GPC5: variants seen among roughly 807,000 people sequenced by gnomAD.
GPC5 encodes the protein glypican 5, also known as glypican-5.
GPC5 carries 47 observed loss-of-function variants against 53.9 expected under a neutral mutation model. That is an observed-to-expected ratio of 0.87 (90% confidence interval 0.69 to 1.11). GPC5 has a LOEUF of 1.11. GPC5 is among the 50% of genes most tolerant of loss of function. The probability of loss-of-function intolerance (pLI) is 0.00; values close to 1 mark genes in which losing one functional copy is unlikely to be tolerated. For synonymous variants in GPC5, 286 were observed against 263.3 expected (o/e 1.09, Z -0.84); for missense variants, 748 against 713.1 (o/e 1.05, Z -0.56).
At chr13:92,618,808 T>C (rs550377674) in intron 7 of GPC5, among the ~76,000 whole-genome samples, 1 of 151,866 alleles carries the variant, frequency 6.6e-6, no homozygotes, top group Non-Finnish European at 1.5e-5. Flanking sequence ...TGGATCATAT[T>C]AGGCAATGTG....
chr13:92,177,570 T>C (rs1348946821), intron 7 of GPC5, among the ~76,000 whole-genome samples: 1 of 152,212 alleles, frequency 6.6e-6, no homozygotes, highest in African/African-American at 2.4e-5. Flanking sequence ...AGTATGTTTT[T>C]TGTGTTCTTC....
intron 5 of GPC5, among the ~76,000 whole-genome samples, chr13:91,792,751 G>T (rs2138752015): frequency 6.6e-6 from 1 of 152,220 alleles, no homozygotes; most frequent in East Asian, 1.9e-4. Flanking sequence ...GAGTTTTTCT[G>T]CATTTCTTTG....
intron 7 of GPC5, among the ~76,000 whole-genome samples, chr13:92,749,743 T>C (rs1468306025): frequency 6.6e-6 from 1 of 152,210 alleles, no homozygotes; most frequent in African/African-American, 2.4e-5. Context: ...TACAACAATT[T>C]GTAGTTATGC....
chr13:91,686,168 C>T lies in GPC5; in HGVS notation c.326-7019C>T, dbSNP rs2139766897. ...TGTTTAGAACTGATTTTATCTGTTA[C>T]ACAACTGCTTAAGGGAATTTAAATT... On this transcript the variant is annotated intron_variant, in intron 2 of 7. Coordinates refer to ENST00000377067, the MANE Select transcript of GPC5 (RefSeq NM_004466.6). Among the ~76,000 whole-genome samples, 3 of 152,080 alleles carry T rather than the reference C, an allele frequency of 2.0e-5. No individual in the cohort carries two copies. In the South Asian group the frequency reaches 6.2e-4, roughly 32 times the overall value.
At chr13:92,696,484 A>G (rs1887560909) in intron 7 of GPC5, among the ~76,000 whole-genome samples, 1 of 152,226 alleles carries the variant, frequency 6.6e-6, no homozygotes. Flanking sequence ...AGTTGGCTGC[A>G]TATATGTCTT....
At chr13:92,261,039 A>G (rs1044378014) in intron 7 of GPC5, among the ~76,000 whole-genome samples, 2 of 152,230 alleles carry the variant, frequency 1.3e-5, no homozygotes, top group African/African-American at 4.8e-5. Flanking sequence ...CAATACTTAT[A>G]TAATAACATT....
chr13:92,700,421 G>A (rs1484101819), intron 7 of GPC5, among the ~76,000 whole-genome samples: 1 of 151,648 alleles, frequency 6.6e-6, no homozygotes, highest in Non-Finnish European at 1.5e-5. Context: ...CTTTTAATTG[G>A]GGCAATTAGC....
chr13:92,859,968 G>GA (rs1224107784), intron 7 of GPC5, among the ~76,000 whole-genome samples: 13 of 151,316 alleles, frequency 8.6e-5, no homozygotes, highest in African/African-American at 2.2e-4. Context: ...CTTCAATCCA[G>GA]AAAAAAAAGT....
chr13:92,334,450 G>A (rs903861231), intron 7 of GPC5, among the ~76,000 whole-genome samples: 2 of 152,050 alleles, frequency 1.3e-5, no homozygotes, highest in Admixed American at 1.3e-4. Context: ...GATTTGGCTG[G>A]GGACAGAGCC....
chr13:91,724,591 G>T (rs1176184264), intron 3 of GPC5, among the ~76,000 whole-genome samples: 1 of 152,138 alleles, frequency 6.6e-6, no homozygotes. Flanking sequence ...TCTCATGCCT[G>T]TAATTCCAGC....
At chr13:91,543,028 T>C (rs1368467066) in intron 2 of GPC5, among the ~76,000 whole-genome samples, 1 of 152,090 alleles carries the variant, frequency 6.6e-6, no homozygotes, top group Admixed American at 6.5e-5. Context: ...GGCTAATTTT[T>C]TGTATTTTTA....
chr13:91,909,465 A>G (rs2039588648), intron 6 of GPC5, among the ~76,000 whole-genome samples: 1 of 152,290 alleles, frequency 6.6e-6, no homozygotes, highest in East Asian at 1.9e-4. Context: ...AGGGTGCAGG[A>G]AGAAAAAACA....
chr13:92,089,250 C>T (rs1348739693), intron 6 of GPC5, among the ~76,000 whole-genome samples: 1 of 152,082 alleles, frequency 6.6e-6, no homozygotes, highest in African/African-American at 2.4e-5. Context: ...CTGGCTAACA[C>T]GGTGAGACCC....
chr13:92,788,950 G>A (rs1594508348), intron 7 of GPC5, among the ~76,000 whole-genome samples: 1 of 152,160 alleles, frequency 6.6e-6, no homozygotes, highest in East Asian at 1.9e-4. Flanking sequence ...TCAATATTGG[G>A]TAGGGTATTT....
chr13:92,579,274 CCTCTCTCT>C lies in GPC5; in HGVS notation c.1562-286988_1562-286981del, dbSNP rs1161169576. On this transcript the variant is annotated intron_variant, in intron 7 of 7. Coordinates refer to ENST00000377067, the MANE Select transcript of GPC5 (RefSeq NM_004466.6). ...CCCTCCCTCCCTCCCTCCCTCCCTC[CCTCTCTCT>C]CTCTCTCTCTCTCTCTCTCCCTCCC... 2.4e-3 allele frequency among the ~76,000 whole-genome samples: 38 copies of C among 16,004 alleles called. 1 individual carries two copies. The highest frequency in any genetic ancestry group is 0.014 in the African/African-American group (36 of 2,544). The allele number at this position is 16,004 out of a possible 152,430, so 10.5% of individuals were successfully genotyped here. A position where few individuals can be genotyped will look rare whatever the true frequency, so the allele number is the denominator to read the frequency against.
intron 7 of GPC5, among the ~76,000 whole-genome samples, chr13:92,791,962 C>A (rs1876480584): frequency 6.6e-6 from 1 of 151,944 alleles, no homozygotes; most frequent in Non-Finnish European, 1.5e-5. Flanking sequence ...AATAAAGCTG[C>A]AAATCAATAT....
intron 7 of GPC5, among the ~76,000 whole-genome samples, chr13:92,192,590 G>T (rs2042230384): frequency 6.6e-6 from 1 of 151,908 alleles, no homozygotes; most frequent in Non-Finnish European, 1.5e-5. Context: ...TAAATGTGGA[G>T]AAAAAAAGTA....
intron 2 of GPC5, among the ~76,000 whole-genome samples, chr13:91,629,211 A>G (rs2034091299): frequency 6.6e-6 from 1 of 152,158 alleles, no homozygotes; most frequent in African/African-American, 2.4e-5. Flanking sequence ...CACACTTTTT[A>G]CAGAAGAGAA....
intron 7 of GPC5, among the ~76,000 whole-genome samples, chr13:92,405,699 A>G (rs1875762897): frequency 6.6e-6 from 1 of 152,214 alleles, no homozygotes; most frequent in Admixed American, 6.5e-5. Context: ...AGGGATATGA[A>G]ATTAGTAATA....
Sources: gnomAD v4.1 joint callset for allele counts (sites outside exome capture counted in the v4.1 genomes callset) on GRCh38, gnomAD v4.1.1 for gene constraint, MANE v1.5 for transcripts, NCBI Gene and HGNC (gene_info 2026-07-23, HGNC 2026-07-21) for gene names.